Variants in PCDH9 observed in about 807,000 individuals in gnomAD.
PCDH9 encodes protocadherin-9.
Under a neutral mutation model 70.6 loss-of-function variants are expected in PCDH9, and 24 were observed. That is an observed-to-expected ratio of 0.34 (90% CI 0.25 to 0.48). The LOEUF is 0.48. Among genes scored for constraint, PCDH9 ranks in the 20% least tolerant of loss-of-function variants. The pLI, the probability that PCDH9 is intolerant of heterozygous loss-of-function variation, is 0.99. For synonymous variants in PCDH9, 562 were observed against 558.5 expected, an observed-to-expected ratio of 1.01 and a Z score of -0.09; for missense variants, 1,281 against 1,503.6, an observed-to-expected ratio of 0.85 and a Z score of 2.45.
At chr13:66,623,921 C>T (rs907194275) in intron 4 of PCDH9, among the ~76,000 whole-genome samples, 2 of 152,144 alleles carry the variant, frequency 1.3e-5, no homozygotes, top group African/African-American at 2.4e-5. Flanking sequence ...AAACTATACT[C>T]AGTGAGAAGT....
chr13:66,502,024 A>G (rs531164830), intron 4 of PCDH9, among the ~76,000 whole-genome samples: 2 of 152,252 alleles, frequency 1.3e-5, no homozygotes, highest in African/African-American at 4.8e-5. Context: ...CAAAGGTGAG[A>G]AACAGATGCA....
chr13:66,431,695 G>A (rs1454167305), intron 4 of PCDH9, among the ~76,000 whole-genome samples: 2 of 151,926 alleles, frequency 1.3e-5, no homozygotes, highest in Non-Finnish European at 2.9e-5. Flanking sequence ...TTCACTTAAA[G>A]TATTGTATTT....
intron 2 of PCDH9, among the ~76,000 whole-genome samples, chr13:67,013,328 T>C (rs921508318): frequency 6.6e-6 from 1 of 151,202 alleles, no homozygotes; most frequent in African/African-American, 2.4e-5. Context: ...TCCTGAAATA[T>C]GGATCATACT....
intron 2 of PCDH9, among the ~76,000 whole-genome samples, chr13:67,033,417 A>G (rs1047950712): frequency 3.3e-5 from 5 of 152,176 alleles, no homozygotes; most frequent in African/African-American, 1.2e-4. Flanking sequence ...AAGGTACAAA[A>G]AGACAAAAGG....
At chr13:66,624,084 C>T (rs188692499) in intron 4 of PCDH9, among the ~76,000 whole-genome samples, 1 of 152,230 alleles carries the variant, frequency 6.6e-6, no homozygotes, top group Non-Finnish European at 1.5e-5. Context: ...ACAGAAATAA[C>T]TCTATTCATG....
At chr13:67,084,963 T>C (rs1167316351) in intron 2 of PCDH9, among the ~76,000 whole-genome samples, 12 of 57,578 alleles carry the variant, frequency 2.1e-4, no homozygotes, top group African/African-American at 7.6e-4. Context: ...CAAGATGCTG[T>C]CTCAAAAAAA....
intron 4 of PCDH9, among the ~76,000 whole-genome samples, chr13:66,528,790 C>T (rs1028721688): frequency 1.3e-5 from 2 of 152,086 alleles, no homozygotes; most frequent in Non-Finnish European, 2.9e-5. Context: ...CTGCAAAACT[C>T]CCCCTGAGAA....
chr13:66,417,535 T>C (rs1851918104), intron 4 of PCDH9, among the ~76,000 whole-genome samples: 2 of 152,042 alleles, frequency 1.3e-5, no homozygotes, highest in Admixed American at 6.6e-5. Context: ...TCCTTTGATA[T>C]ATACCCAGAA....
At chr13:66,594,614 G>A (rs988954646) in intron 4 of PCDH9, among the ~76,000 whole-genome samples, 2 of 151,362 alleles carry the variant, frequency 1.3e-5, no homozygotes, top group African/African-American at 4.8e-5. Context: ...CCATCACCTA[G>A]ATATTAAGCC....
At chr13:67,095,467 T>C (rs1410627415) in intron 2 of PCDH9, among the ~76,000 whole-genome samples, 1 of 152,156 alleles carries the variant, frequency 6.6e-6, no homozygotes, top group Non-Finnish European at 1.5e-5. Flanking sequence ...AGTCAAACAA[T>C]GTCAGATAAA....
intron 2 of PCDH9, among the ~76,000 whole-genome samples, chr13:67,059,390 T>C (rs1197462251): frequency 1.4e-5 from 2 of 146,694 alleles, no homozygotes; most frequent in Admixed American, 6.9e-5. Flanking sequence ...ATATAGTATA[T>C]AGTATATATA....
At chr13:67,089,647 T>C (rs1594496149) in intron 2 of PCDH9, among the ~76,000 whole-genome samples, 1 of 152,030 alleles carries the variant, frequency 6.6e-6, no homozygotes, top group East Asian at 1.9e-4. Flanking sequence ...TGTAAGTATT[T>C]AGCTATATGT....
At position 67,228,093 on chromosome 13, in the gene PCDH9, C is replaced by T. The variant is rs1020929652; in HGVS notation, c.348G>A (p.Val116=). Reference sequence around the variant, plus strand: ...GCCTGAAGAAATCATTGGGGAGGATCACCACCTCAAGTTCAAAGAAACACT... The same window carrying T: ...GCCTGAAGAAATCATTGGGGAGGATTACCACCTCAAGTTCAAAGAAACACT... ...ENECFFELEV[V]ILPNDFFRLI... The change falls in exon 2 of 5, where the codon GTG becomes GTA. Residue 116 remains valine (V), a synonymous_variant. Transcript: ENST00000377865. 6.2e-7 allele frequency: 1 copy of T among 1,613,930 alleles called. No individual in the cohort carries two copies. The highest frequency in any genetic ancestry group is 1.3e-5 in the African/African-American group (1 of 74,924).
At chr13:66,559,673 G>T (rs557472311) in intron 4 of PCDH9, among the ~76,000 whole-genome samples, 1 of 149,914 alleles carries the variant, frequency 6.7e-6, no homozygotes, top group South Asian at 2.1e-4. Context: ...GGTGGCGGGT[G>T]CCTGTAGTCC....
intron 3 of PCDH9, among the ~76,000 whole-genome samples, chr13:66,659,676 A>AT (rs368848878): frequency 0.013 from 1,948 of 148,398 alleles, 21 homozygotes; most frequent in Middle Eastern, 0.028. Flanking sequence ...CTTTTTAAAC[A>AT]TTTTTTTTTT....
At chr13:66,355,008 A>G (rs997379570) in intron 4 of PCDH9, among the ~76,000 whole-genome samples, 2 of 152,146 alleles carry the variant, frequency 1.3e-5, no homozygotes, top group African/African-American at 4.8e-5. Context: ...ATTTCTAACA[A>G]GCTCCCAGGT....
At chr13:66,888,560 A>T (rs535730932) in intron 3 of PCDH9, among the ~76,000 whole-genome samples, 2 of 151,908 alleles carry the variant, frequency 1.3e-5, no homozygotes, top group East Asian at 1.9e-4. Flanking sequence ...AATAAATAAA[A>T]AAAAGAAAAT....
intron 3 of PCDH9, among the ~76,000 whole-genome samples, chr13:66,676,643 C>A (rs1032194806): frequency 3.3e-5 from 5 of 152,052 alleles, no homozygotes; most frequent in African/African-American, 1.2e-4. Flanking sequence ...ATCGTCACTT[C>A]TCTTTAAAAA....
At chr13:66,955,770 A>T (rs757482835) in intron 2 of PCDH9, among the ~76,000 whole-genome samples, 1 of 152,166 alleles carries the variant, frequency 6.6e-6, no homozygotes, top group Non-Finnish European at 1.5e-5. Context: ...TGCGTTTGTT[A>T]TGGGAATGAC....
Sources: allele counts gnomAD v4.1 joint callset (sites outside exome capture counted in the v4.1 genomes callset), GRCh38; gene constraint gnomAD v4.1.1; transcripts MANE v1.5; gene names NCBI Gene and HGNC (gene_info 2026-07-23, HGNC 2026-07-21).